Variants in RANBP17 observed in about 807,000 individuals in gnomAD.
RANBP17 encodes RAN binding protein 17, also known as ran-binding protein 17.
In RANBP17, 158 loss-of-function variants were observed where a neutral mutation model predicts 141.2. That is an observed-to-expected ratio of 1.12 (90% CI 0.98 to 1.28). RANBP17 has a LOEUF of 1.28. RANBP17 is among the 50% of genes most tolerant of loss of function. The pLI is 0.00. For missense variants in RANBP17, 1,438 were observed against 1,290.7 expected (o/e 1.11, Z -1.75); for synonymous variants, 430 against 450.0 (o/e 0.96, Z 0.56).
intron 8 of RANBP17, among the ~76,000 whole-genome samples, chr5:170,914,707 A>G (rs1771806635): frequency 6.6e-6 from 1 of 152,178 alleles, no homozygotes; most frequent in South Asian, 2.1e-4. Context: ...TGTGTTCATC[A>G]AGCCAGTTAT....
At chr5:171,010,681 T>C (rs906186649) in intron 14 of RANBP17, among the ~76,000 whole-genome samples, 19 of 152,176 alleles carry the variant, frequency 1.2e-4, no homozygotes, top group Non-Finnish European at 2.9e-5. Context: ...GAAATTCCCC[T>C]ATCCCCCACA....
chr5:170,897,845 T>C (rs1015436621), intron 5 of RANBP17, among the ~76,000 whole-genome samples: 3 of 152,226 alleles, frequency 2.0e-5, no homozygotes, highest in Admixed American at 6.5e-5. Flanking sequence ...ATCTTTGCTA[T>C]TGTGAATAGT....
intron 3 of RANBP17, among the ~76,000 whole-genome samples, chr5:170,886,681 T>TA (rs1769189393): frequency 8.6e-6 from 1 of 115,750 alleles, no homozygotes; most frequent in Non-Finnish European, 1.7e-5. Context: ...TTTTGAGACA[T>TA]AGAGTCTCAC....
At chr5:170,908,865 A>G (rs1280642378) in intron 5 of RANBP17, among the ~76,000 whole-genome samples, 1 of 151,904 alleles carries the variant, frequency 6.6e-6, no homozygotes, top group African/African-American at 2.4e-5. Flanking sequence ...TTTCAGATCT[A>G]TAAACACTAG....
At chr5:170,895,460 TAGTC>T (rs1164378197) in intron 4 of RANBP17, among the ~76,000 whole-genome samples, 4 of 152,184 alleles carry the variant, frequency 2.6e-5, no homozygotes, top group Admixed American at 1.3e-4. Flanking sequence ...ATTATATAGA[TAGTC>T]ATGTATTTAT....
chr5:170,943,022 A>G (rs1033298642), intron 12 of RANBP17, among the ~76,000 whole-genome samples: 1 of 152,186 alleles, frequency 6.6e-6, no homozygotes, highest in Non-Finnish European at 1.5e-5. Flanking sequence ...CAGAGTCTGT[A>G]ATATAATGCC....
At chr5:170,939,531 T>A (rs1207452555) in intron 12 of RANBP17, among the ~76,000 whole-genome samples, 1 of 151,972 alleles carries the variant, frequency 6.6e-6, no homozygotes, top group African/African-American at 2.4e-5. Flanking sequence ...ACTACAGTCA[T>A]GCACCATGCC....
intron 14 of RANBP17, among the ~76,000 whole-genome samples, chr5:170,978,151 A>G (rs893563848): frequency 1.3e-5 from 2 of 152,160 alleles, no homozygotes; most frequent in African/African-American, 2.4e-5. Context: ...ATTAATACCT[A>G]AGTGAAATAT....
intron 14 of RANBP17, among the ~76,000 whole-genome samples, chr5:171,009,309 C>G (rs1195376711): frequency 6.6e-6 from 1 of 152,160 alleles, no homozygotes; most frequent in Non-Finnish European, 1.5e-5. Flanking sequence ...TAAAGAGTGT[C>G]AAACAAGATT....
intron 24 of RANBP17, among the ~76,000 whole-genome samples, chr5:171,245,318 G>C (rs1213967238): frequency 6.6e-6 from 1 of 151,678 alleles, no homozygotes; most frequent in Non-Finnish European, 1.5e-5. Flanking sequence ...CTAGATTTTG[G>C]TTTTTATTTT....
intron 24 of RANBP17, 104 bp from the exon 25 acceptor site, chr5:171,265,577 C>A: frequency 2.8e-6 from 3 of 1,072,920 alleles, no homozygotes; most frequent in Middle Eastern, 3.3e-4. Flanking sequence ...TTGATAAAAG[C>A]ACTTTGAAAC....
At chr5:171,106,828 A>G (rs903300667) in intron 14 of RANBP17, among the ~76,000 whole-genome samples, 1 of 152,218 alleles carries the variant, frequency 6.6e-6, no homozygotes, top group African/African-American at 2.4e-5. Flanking sequence ...TAAGATTTGC[A>G]AAATATTGCT....
At chr5:170,980,469 G>T (rs997205515) in intron 14 of RANBP17, among the ~76,000 whole-genome samples, 1 of 152,170 alleles carries the variant, frequency 6.6e-6, no homozygotes, top group African/African-American at 2.4e-5. Context: ...GGTTTCATGA[G>T]CTGGGCCCAG....
chr5:171,175,838 C>T (rs901524768), intron 16 of RANBP17, among the ~76,000 whole-genome samples: 4 of 151,470 alleles, frequency 2.6e-5, no homozygotes, highest in African/African-American at 9.7e-5. Flanking sequence ...CTGTTAACCG[C>T]AACAGTTCTC....
At chr5:171,056,937 T>C (rs1371758151) in intron 14 of RANBP17, among the ~76,000 whole-genome samples, 1 of 152,154 alleles carries the variant, frequency 6.6e-6, no homozygotes, top group East Asian at 1.9e-4. Context: ...CAAACAAAAA[T>C]ATTTCATTTT....
intron 22 of RANBP17, among the ~76,000 whole-genome samples, chr5:171,239,543 G>A (rs901110665): frequency 1.3e-5 from 2 of 152,178 alleles, no homozygotes; most frequent in African/African-American, 4.8e-5. Context: ...GCCAAAGTGG[G>A]GAGTTGGAGG....
At chr5:170,982,218 A>G (rs890551027) in intron 14 of RANBP17, among the ~76,000 whole-genome samples, 1 of 149,190 alleles carries the variant, frequency 6.7e-6, no homozygotes, top group African/African-American at 2.5e-5. Context: ...AGAGACCTAC[A>G]GATATAGATA....
At chr5:171,273,788 A>G (rs1417702234) in intron 25 of RANBP17, among the ~76,000 whole-genome samples, 1 of 152,136 alleles carries the variant, frequency 6.6e-6, no homozygotes, top group African/African-American at 2.4e-5. Flanking sequence ...TGCTACAGTG[A>G]TATTTTTATT....
At chr5:170,888,874 A>G (rs1357589246) in intron 3 of RANBP17, among the ~76,000 whole-genome samples, 1 of 152,066 alleles carries the variant, frequency 6.6e-6, no homozygotes. Context: ...GTTGTCCTCT[A>G]TTCCTAGTTT....
Sources: allele counts gnomAD v4.1 joint callset (sites outside exome capture counted in the v4.1 genomes callset), GRCh38; gene constraint gnomAD v4.1.1; transcripts MANE v1.5; gene names NCBI Gene and HGNC (gene_info 2026-07-23, HGNC 2026-07-21).